The following ADAMTSL1 variants were observed in gnomAD, a reference collection of about 807,000 sequenced individuals.
The protein encoded by ADAMTSL1 is ADAMTS like 1, also known as ADAMTS-like protein 1.
Under a neutral mutation model 201.8 loss-of-function variants are expected in ADAMTSL1, and 126 were observed. That is an observed-to-expected ratio of 0.62 (90% confidence interval 0.54 to 0.72). ADAMTSL1 has a LOEUF of 0.72. Ranked by LOEUF, ADAMTSL1 falls within the 30% of genes least tolerant of loss-of-function variation. The probability of loss-of-function intolerance (pLI) is 0.00; values close to 1 mark genes in which losing one functional copy is unlikely to be tolerated. For synonymous variants in ADAMTSL1, 1,121 were observed against 903.4 expected (o/e 1.24, Z -4.32); for missense variants, 2,679 against 2,277.8 (o/e 1.18, Z -3.59).
chr9:18,042,243 C>T (rs1465298405), intron 1 of ADAMTSL1, among the ~76,000 whole-genome samples: 1 of 152,038 alleles, frequency 6.6e-6, no homozygotes, highest in African/African-American at 2.4e-5. Context: ...GCAAAAGTTT[C>T]CAAAGCTTGA....
chr9:18,526,307 C>T (rs2132063105), intron 2 of ADAMTSL1, among the ~76,000 whole-genome samples: 1 of 152,324 alleles, frequency 6.6e-6, no homozygotes, highest in Non-Finnish European at 1.5e-5. Flanking sequence ...CTTCCTCCAT[C>T]CCTTTGTTTT....
chr9:18,078,507 G>C (rs553236788), intron 1 of ADAMTSL1, among the ~76,000 whole-genome samples: 14 of 152,268 alleles, frequency 9.2e-5, no homozygotes, highest in Admixed American at 8.5e-4. Flanking sequence ...GCTCATCCAG[G>C]GTTGTGCTCA....
intron 2 of ADAMTSL1, among the ~76,000 whole-genome samples, chr9:18,228,825 T>C (rs886814275): frequency 6.6e-6 from 1 of 150,844 alleles, no homozygotes; most frequent in Non-Finnish European, 1.5e-5. Flanking sequence ...GCTGTGATTG[T>C]GATTCAGAGT....
chr9:18,904,875 A>G (rs1830215304), intron 26 of ADAMTSL1, among the ~76,000 whole-genome samples: 1 of 151,782 alleles, frequency 6.6e-6, no homozygotes, highest in East Asian at 1.9e-4. Context: ...CTTTTACCTT[A>G]AATCCTGCTC....
intron 2 of ADAMTSL1, among the ~76,000 whole-genome samples, chr9:18,510,956 A>C (rs192176522): frequency 1.3e-5 from 2 of 152,156 alleles, no homozygotes; most frequent in Non-Finnish European, 2.9e-5. Flanking sequence ...CTAAAGATCT[A>C]TCTTTCAGAG....
chr9:18,262,297 A>G (rs142176295), intron 2 of ADAMTSL1, among the ~76,000 whole-genome samples: 8 of 152,314 alleles, frequency 5.3e-5, no homozygotes, highest in Admixed American at 5.2e-4. Flanking sequence ...CAAGGCCCTT[A>G]TAAAGGATGC....
chr9:18,142,178 T>C lies in ADAMTSL1; in HGVS notation c.88-21684T>C, dbSNP rs547092664. ...TTTTTCTCCTGCCTGCGGTATCTTC[T>C]ACCATCAAGTTACAGAATGAGTCTG... On this transcript the variant is annotated intron_variant, in intron 1 of 29. Transcript: ENST00000680146. Among the ~76,000 whole-genome samples the C allele has an allele frequency of 2.4e-4, 36 of 152,330 alleles. No individual in the cohort carries two copies. The South Asian group carries it at 6.6e-3, about 28-fold the overall frequency.
At chr9:18,569,738 C>A (rs1171971376) in intron 3 of ADAMTSL1, among the ~76,000 whole-genome samples, 1 of 152,148 alleles carries the variant, frequency 6.6e-6, no homozygotes, top group Admixed American at 6.5e-5. Flanking sequence ...TCAATGCTTT[C>A]TATGAGCCAA....
intron 2 of ADAMTSL1, among the ~76,000 whole-genome samples, chr9:18,236,107 A>G (rs1315565322): frequency 6.6e-6 from 1 of 152,078 alleles, no homozygotes; most frequent in African/African-American, 2.4e-5. Context: ...CTCACCCAAA[A>G]TCTATCGGGC....
intron 9 of ADAMTSL1, among the ~76,000 whole-genome samples, chr9:18,671,833 C>G (rs551130028): frequency 3.6e-4 from 54 of 152,058 alleles, no homozygotes; most frequent in African/African-American, 1.0e-3. Context: ...GGCAGGAGAT[C>G]GAGACCATCC....
intron 2 of ADAMTSL1, among the ~76,000 whole-genome samples, chr9:18,442,537 A>G (rs1380769395): frequency 2.0e-5 from 3 of 152,204 alleles, no homozygotes; most frequent in African/African-American, 7.2e-5. Flanking sequence ...TCTGTCTTCA[A>G]AAAGAAGGAA....
intron 1 of ADAMTSL1, among the ~76,000 whole-genome samples, chr9:18,007,582 G>A (rs1267808962): frequency 6.6e-6 from 1 of 151,984 alleles, no homozygotes; most frequent in Non-Finnish European, 1.5e-5. Context: ...AGCGAGGCAG[G>A]TGGATTAGAT....
At chr9:18,007,991 C>G (rs1819899613) in intron 1 of ADAMTSL1, among the ~76,000 whole-genome samples, 1 of 151,888 alleles carries the variant, frequency 6.6e-6, no homozygotes, top group South Asian at 2.1e-4. Flanking sequence ...GAAATTGGCC[C>G]CTTATTCCTT....
At chr9:18,264,720 C>T (rs1315842865) in intron 2 of ADAMTSL1, among the ~76,000 whole-genome samples, 1 of 152,130 alleles carries the variant, frequency 6.6e-6, no homozygotes, top group Non-Finnish European at 1.5e-5. Flanking sequence ...TAAAGCATAC[C>T]TACCAAAATT....
intron 1 of ADAMTSL1, among the ~76,000 whole-genome samples, chr9:18,018,259 G>A (rs138703934): frequency 2.7e-3 from 418 of 152,132 alleles, no homozygotes; most frequent in African/African-American, 9.0e-3. Flanking sequence ...GGTACTTACC[G>A]TATAATGTTT....
At chr9:18,860,109 G>C (rs1399890172) in intron 23 of ADAMTSL1, among the ~76,000 whole-genome samples, 1 of 152,166 alleles carries the variant, frequency 6.6e-6, no homozygotes. Context: ...ATTTTTGTGA[G>C]CTTTTAGTCT....
intron 2 of ADAMTSL1, among the ~76,000 whole-genome samples, chr9:18,255,529 T>G (rs1159766515): frequency 6.6e-6 from 1 of 152,196 alleles, no homozygotes; most frequent in Non-Finnish European, 1.5e-5. Flanking sequence ...TTTCTGTGAC[T>G]CCCCAGTGCA....
chr9:18,200,367 C>G (rs1193544472), intron 2 of ADAMTSL1, among the ~76,000 whole-genome samples: 2 of 151,736 alleles, frequency 1.3e-5, no homozygotes, highest in East Asian at 1.9e-4. Flanking sequence ...TCATTTGATT[C>G]TCTTTTGGAA....
intron 22 of ADAMTSL1, among the ~76,000 whole-genome samples, chr9:18,827,251 G>A (rs904610011): frequency 2.0e-5 from 3 of 151,560 alleles, no homozygotes; most frequent in African/African-American, 7.3e-5. Flanking sequence ...TTCTCACCTA[G>A]AGAAAGCTGT....
Sources: allele counts gnomAD v4.1 joint callset (sites outside exome capture counted in the v4.1 genomes callset), GRCh38; gene constraint gnomAD v4.1.1; transcripts MANE v1.5; gene names NCBI Gene and HGNC (gene_info 2026-07-23, HGNC 2026-07-21).